The following TNNI3K variants were observed in gnomAD, a reference collection of about 807,000 sequenced individuals.
TNNI3K encodes the protein serine/threonine-protein kinase TNNI3K.
In TNNI3K, 140 loss-of-function variants were observed where a neutral mutation model predicts 114.5. That is an observed-to-expected ratio of 1.22 (90% CI 1.07 to 1.41). The LOEUF is 1.41. TNNI3K is among the 40% of genes most tolerant of loss of function. The pLI is 0.00. For synonymous variants in TNNI3K, 347 were observed against 347.5 expected, an observed-to-expected ratio of 1.00 and a Z score of 0.02; for missense variants, 1,125 against 1,007.6, an observed-to-expected ratio of 1.12 and a Z score of -1.58.
At chr1:74,479,787 A>T (rs1389124496) in intron 21 of TNNI3K, among the ~76,000 whole-genome samples, 3 of 152,258 alleles carry the variant, frequency 2.0e-5, no homozygotes, top group Admixed American at 6.5e-5. Context: ...GTGTCATAAC[A>T]AATGCACTAG....
chr1:74,319,156 T>C (rs767688355), intron 5 of TNNI3K, among the ~76,000 whole-genome samples: 5 of 152,266 alleles, frequency 3.3e-5, no homozygotes, highest in Admixed American at 6.5e-5. Context: ...CAGTGAGTGT[T>C]TGGAAGATAA....
At chr1:74,310,759 T>C (rs1430273243) in intron 5 of TNNI3K, among the ~76,000 whole-genome samples, 1 of 152,200 alleles carries the variant, frequency 6.6e-6, no homozygotes. Flanking sequence ...TAATGGATTA[T>C]TGTTTTAATG....
chr1:74,472,322 A>C (rs1291933635), intron 21 of TNNI3K: 2 of 596,574 alleles, frequency 3.4e-6, no homozygotes, highest in African/African-American at 3.7e-5. Context: ...GCAGTTCTTC[A>C]CTATTTCCTA....
chr1:74,523,140 T>C (rs934415827), intron 23 of TNNI3K, among the ~76,000 whole-genome samples: 2 of 152,226 alleles, frequency 1.3e-5, no homozygotes, highest in African/African-American at 4.8e-5. Flanking sequence ...GCCTGACCAA[T>C]TTGCCCTCAG....
intron 5 of TNNI3K, among the ~76,000 whole-genome samples, chr1:74,290,216 T>C (rs1397431083): frequency 6.6e-6 from 1 of 151,468 alleles, no homozygotes; most frequent in Non-Finnish European, 1.5e-5. Flanking sequence ...ATATTTCTTT[T>C]TTTTTTTTCA....
intron 5 of TNNI3K, among the ~76,000 whole-genome samples, chr1:74,318,574 C>G (rs182189772): frequency 7.2e-5 from 11 of 151,778 alleles, no homozygotes; most frequent in African/African-American, 2.2e-4. Flanking sequence ...TGATCCTCCC[C>G]TGTTTGCTTA....
At chr1:74,502,739 A>T (rs965320143) in intron 23 of TNNI3K, among the ~76,000 whole-genome samples, 1 of 152,158 alleles carries the variant, frequency 6.6e-6, no homozygotes, top group Non-Finnish European at 1.5e-5. Context: ...ACTTTGCCTC[A>T]GCTTATGCCT....
At chr1:74,261,168 C>G (rs1351001534) in intron 4 of TNNI3K, among the ~76,000 whole-genome samples, 1 of 151,820 alleles carries the variant, frequency 6.6e-6, no homozygotes, top group Non-Finnish European at 1.5e-5. Context: ...CCAATTTCGT[C>G]TATTCAGTTG....
At chr1:74,397,796 TTG>T (rs1297487948) in intron 17 of TNNI3K, among the ~76,000 whole-genome samples, 5 of 152,220 alleles carry the variant, frequency 3.3e-5, no homozygotes, top group African/African-American at 1.2e-4. Flanking sequence ...TATGCTGTCA[TTG>T]ATGGAAACAA....
intron 20 of TNNI3K, among the ~76,000 whole-genome samples, chr1:74,445,633 C>T (rs12141023): frequency 0.71 from 93,420 of 132,338 alleles, 35,965 homozygotes; most frequent in Middle Eastern, 0.87. Flanking sequence ...TTTTTTGAGA[C>T]GGAGTCTCGC....
chr1:74,342,886 T>G lies in TNNI3K; in HGVS notation c.727T>G (p.Ser243Ala), dbSNP rs753284364. The change falls in exon 8 of 25, where the codon TCT becomes GCT. Residue 243 changes from serine to alanine, a missense_variant. Coordinates refer to ENST00000326637, the MANE Select transcript of TNNI3K (RefSeq NM_015978.3). Reference sequence around the variant, plus strand: ...AGACCATGTCCCACTCCATTTCTGTTCTCGATTTGGACACCATGATATAGT... The same window carrying G: ...AGACCATGTCCCACTCCATTTCTGTGCTCGATTTGGACACCATGATATAGT... ...NEDHVPLHFC[S>A]RFGHHDIVKY... The G allele has an allele frequency of 6.2e-7, 1 of 1,613,824 alleles. No homozygotes were observed. Among genetic ancestry groups the G allele is most frequent in the South Asian group, 1.1e-5 (1 of 91,076 alleles).
At position 74,544,234 on chromosome 1, in the gene TNNI3K, T is replaced by A. The variant is rs920538777; in HGVS notation, c.*252T>A. 7.3e-5 allele frequency: 29 copies of A among 397,308 alleles called. No homozygotes were observed. Among genetic ancestry groups the A allele is most frequent in the Admixed American group, 1.4e-4 (3 of 20,906 alleles). 24.6% of individuals were successfully genotyped at this position (397,308 alleles called of 1,614,324 possible). On this transcript the variant is annotated 3_prime_UTR_variant, in exon 25 of 25. Coordinates refer to ENST00000326637, the MANE Select transcript of TNNI3K (RefSeq NM_015978.3). ...TTTAATTTTGTAAATTAAAAAAAAA[T>A]TTAGATCGTTACTTGGAAATGGAGC...
chr1:74,475,061 T>C (rs74093596), intron 21 of TNNI3K, among the ~76,000 whole-genome samples: 36 of 150,062 alleles, frequency 2.4e-4, no homozygotes, highest in African/African-American at 8.8e-4. Flanking sequence ...CTTTTAGCAG[T>C]CAGGAGATGC....
chr1:74,331,010 T>G (rs1350952613), intron 5 of TNNI3K, among the ~76,000 whole-genome samples: 1 of 152,168 alleles, frequency 6.6e-6, no homozygotes, highest in Non-Finnish European at 1.5e-5. Flanking sequence ...ACATTTAATT[T>G]CAGCCAGGCA....
intron 17 of TNNI3K, among the ~76,000 whole-genome samples, chr1:74,393,419 G>A (rs985472353): frequency 2.0e-5 from 3 of 152,074 alleles, no homozygotes; most frequent in Non-Finnish European, 4.4e-5. Context: ...TCAAAAGAAC[G>A]TGAGCTTACT....
chr1:74,426,084 T>C (rs2100644899), intron 17 of TNNI3K, among the ~76,000 whole-genome samples: 1 of 152,262 alleles, frequency 6.6e-6, no homozygotes, highest in African/African-American at 2.4e-5. Context: ...AGTACATTTT[T>C]AACCTGCCCT....
At chr1:74,408,025 A>G (rs575763019) in intron 17 of TNNI3K, among the ~76,000 whole-genome samples, 2 of 151,808 alleles carry the variant, frequency 1.3e-5, no homozygotes, top group South Asian at 4.2e-4. Flanking sequence ...CACCACTACC[A>G]CTCCCATACA....
At chr1:74,319,681 T>A (rs1291558357) in intron 5 of TNNI3K, among the ~76,000 whole-genome samples, 1 of 152,214 alleles carries the variant, frequency 6.6e-6, no homozygotes, top group Non-Finnish European at 1.5e-5. Flanking sequence ...ACAACTCTTT[T>A]CTGTGGAACA....
chr1:74,520,118 T>G (rs1474309180), intron 23 of TNNI3K, among the ~76,000 whole-genome samples: 1 of 151,748 alleles, frequency 6.6e-6, no homozygotes, highest in Non-Finnish European at 1.5e-5. Context: ...CAGTATATGC[T>G]GAACCCAATT....
Sources: allele counts gnomAD v4.1 joint callset (sites outside exome capture counted in the v4.1 genomes callset), GRCh38; gene constraint gnomAD v4.1.1; transcripts MANE v1.5; gene names NCBI Gene and HGNC (gene_info 2026-07-23, HGNC 2026-07-21).